CTBP2: variants seen among roughly 807,000 people sequenced by gnomAD.
CTBP2 encodes C-terminal-binding protein 2.
In CTBP2, 30 loss-of-function variants were observed where a neutral mutation model predicts 80.3. That is an observed-to-expected ratio of 0.37 (90% confidence interval 0.28 to 0.51). The LOEUF is 0.51. CTBP2 is among the 20% of genes least tolerant of loss of function. CTBP2 has a pLI of 0.93. For missense variants in CTBP2, 1,212 were observed against 1,375.3 expected (o/e 0.88, Z 1.88); for synonymous variants, 594 against 587.4 (o/e 1.01, Z -0.16).
chr10:125,147,762 T>C lies in CTBP2; in HGVS notation c.-206+12557A>G, dbSNP rs538331510. 2.0e-5 allele frequency among the ~76,000 whole-genome samples: 3 copies of C among 152,134 alleles called. No homozygotes were observed. The South Asian group carries it at 6.2e-4, about 32-fold the overall frequency. ...AAATACAGAAACTAGCCAGGTGTGG[T>C]GCCCTGTACCTGTAGTCCCACCTAC... On this transcript the variant is annotated intron_variant, in intron 1 of 10. Transcript: ENST00000337195.
At chr10:125,082,612 C>CA (rs1554910153) in intron 2 of CTBP2, among the ~76,000 whole-genome samples, 3 of 126,260 alleles carry the variant, frequency 2.4e-5, no homozygotes, top group Admixed American at 9.0e-5. Context: ...TTTTTTGAAA[C>CA]AGTCTTGCTC....
At position 125,151,000 on chromosome 10, in the gene CTBP2, ATAGT is replaced by A. The variant is rs566290968; in HGVS notation, c.-206+9315_-206+9318del. On this transcript the variant is annotated intron_variant, in intron 1 of 10. Transcript: ENST00000337195. ...CGCTGTCCTCGCAGAGGCACAGGTG[ATAGT>A]TAGTCACTGTTTTACCAATGAAGAG... Among the ~76,000 whole-genome samples the A allele has an allele frequency of 2.5e-3, 376 of 151,716 alleles. 2 individuals are homozygous for A. Among genetic ancestry groups the A allele is most frequent in the Admixed American group, 0.011 (170 of 15,268 alleles).
chr10:125,117,223 G>A (rs929056944), intron 1 of CTBP2, among the ~76,000 whole-genome samples: 1 of 152,230 alleles, frequency 6.6e-6, no homozygotes, highest in Non-Finnish European at 1.5e-5. Flanking sequence ...CGGGGGCAGT[G>A]GGGGGTGGCA....
rs1415221037 is a variant in CTBP2, at chr10:125,027,721, A to C, written c.39T>G (p.Ser13=). ...ACCACCCAGCAGCATCCCAGCTCTG[A>C]GAACGACCAATATTTATATGCCTGC... The change falls in exon 1 of 9, where the codon TCT becomes TCG. Residue 13 remains serine, a synonymous_variant. Coordinates refer to ENST00000309035, the MANE Select transcript of CTBP2 (RefSeq NM_022802.3). 2 of 1,609,988 alleles carry C rather than the reference A, an allele frequency of 1.2e-6. No individual in the cohort carries two copies. Among genetic ancestry groups the C allele is most frequent in the South Asian group, 1.1e-5 (1 of 90,900 alleles).
intron 1 of CTBP2, among the ~76,000 whole-genome samples, chr10:125,134,693 A>G (rs550554713): frequency 3.9e-4 from 60 of 152,200 alleles, no homozygotes; most frequent in Non-Finnish European, 5.9e-4. Flanking sequence ...AACCTGACCA[A>G]TGAGGGAGGG....
chr10:125,107,175 A>G (rs1851591045), intron 2 of CTBP2, among the ~76,000 whole-genome samples: 1 of 152,248 alleles, frequency 6.6e-6, no homozygotes, highest in African/African-American at 2.4e-5. Flanking sequence ...AAGGCTGGCT[A>G]AAGCTTCGCT....
chr10:125,150,449 G>C (rs1205356569), intron 1 of CTBP2, among the ~76,000 whole-genome samples: 1 of 152,146 alleles, frequency 6.6e-6, no homozygotes, highest in Non-Finnish European at 1.5e-5. Context: ...AGCTTGGGAG[G>C]AAAGAAGGAG....
At chr10:125,146,800 A>C (rs1012196315) in intron 1 of CTBP2, among the ~76,000 whole-genome samples, 2 of 152,128 alleles carry the variant, frequency 1.3e-5, no homozygotes, top group African/African-American at 4.8e-5. Context: ...ATATTTGAAC[A>C]TTTCAATCAG....
intron 2 of CTBP2, among the ~76,000 whole-genome samples, chr10:125,061,910 A>G (rs1965041520): frequency 6.6e-6 from 1 of 152,202 alleles, no homozygotes; most frequent in Non-Finnish European, 1.5e-5. Flanking sequence ...CTTAGGAACC[A>G]GGTATGCTTT....
chr10:125,012,262 A>T (rs1236275732), intron 1 of CTBP2, among the ~76,000 whole-genome samples: 1 of 152,200 alleles, frequency 6.6e-6, no homozygotes, highest in African/African-American at 2.4e-5. Flanking sequence ...CCGGAGCAAC[A>T]TCCAAGCCTG....
intron 1 of CTBP2, among the ~76,000 whole-genome samples, chr10:125,123,333 T>A (rs1051620340): frequency 3.3e-5 from 5 of 152,196 alleles, no homozygotes; most frequent in Admixed American, 2.6e-4. Context: ...CTGAATAGTA[T>A]CCATGGATTC....
chr10:125,139,636 A>G (rs1857486663), intron 1 of CTBP2, among the ~76,000 whole-genome samples: 1 of 152,142 alleles, frequency 6.6e-6, no homozygotes, highest in South Asian at 2.1e-4. Context: ...TACTCACCTG[A>G]GCAAGCACCG....
At chr10:125,075,558 C>A (rs1019226817) in intron 2 of CTBP2, among the ~76,000 whole-genome samples, 1 of 152,136 alleles carries the variant, frequency 6.6e-6, no homozygotes, top group African/African-American at 2.4e-5. Context: ...TTATAAATTA[C>A]TCATTCTGTG....
chr10:125,098,827 G>A (rs1213372777), intron 2 of CTBP2, among the ~76,000 whole-genome samples: 1 of 150,698 alleles, frequency 6.6e-6, no homozygotes, highest in Admixed American at 6.6e-5. Flanking sequence ...TGCCCACCCT[G>A]TGCTACTTTA....
intron 2 of CTBP2, among the ~76,000 whole-genome samples, chr10:125,059,182 A>G (rs1325028781): frequency 1.3e-5 from 2 of 152,102 alleles, no homozygotes; most frequent in Admixed American, 6.6e-5. Flanking sequence ...GACACAAGCA[A>G]TGCTAGTTGT....
At chr10:125,041,981 T>TG (rs1472350150) in intron 2 of CTBP2, among the ~76,000 whole-genome samples, 1 of 84,952 alleles carries the variant, frequency 1.2e-5, no homozygotes, top group African/African-American at 4.4e-5. Flanking sequence ...GGGGTGGGGG[T>TG]GGGGGAGGGG....
chr10:125,022,143 C>T (rs1394079195), intron 1 of CTBP2, among the ~76,000 whole-genome samples: 4 of 152,258 alleles, frequency 2.6e-5, no homozygotes, highest in African/African-American at 9.6e-5. Context: ...GGCCTCTCCC[C>T]TGGCCCCAGT....
intron 2 of CTBP2, among the ~76,000 whole-genome samples, chr10:125,087,280 C>T (rs1848133988): frequency 6.6e-6 from 1 of 151,942 alleles, no homozygotes; most frequent in Admixed American, 6.6e-5. Flanking sequence ...CCATGTTGCC[C>T]AGGCTGGTCT....
intron 2 of CTBP2, among the ~76,000 whole-genome samples, chr10:125,044,986 G>A (rs960591018): frequency 2.0e-5 from 3 of 152,250 alleles, no homozygotes; most frequent in South Asian, 2.1e-4. Flanking sequence ...TTTTCAGAAC[G>A]GCAGCTATGG....
Sources: gnomAD v4.1 joint callset for allele counts (sites outside exome capture counted in the v4.1 genomes callset) on GRCh38, gnomAD v4.1.1 for gene constraint, MANE v1.5 for transcripts, NCBI Gene and HGNC (gene_info 2026-07-23, HGNC 2026-07-21) for gene names.